Variants in SLC16A10 observed in about 807,000 individuals in gnomAD.
SLC16A10 encodes monocarboxylate transporter 10.
SLC16A10 carries 27 observed loss-of-function variants against 40.0 expected under a neutral mutation model. That is an observed-to-expected ratio of 0.67 (90% confidence interval 0.50 to 0.93). The LOEUF is 0.93. SLC16A10 is among the 40% of genes least tolerant of loss of function. The probability of loss-of-function intolerance (pLI) is 0.00; values close to 1 mark genes in which losing one functional copy is unlikely to be tolerated. For synonymous variants in SLC16A10, 213 were observed against 249.8 expected (o/e 0.85, Z 1.39); for missense variants, 529 against 658.2 (o/e 0.80, Z 2.15).
At chr6:111,206,114 T>C (rs1773248475) in intron 3 of SLC16A10, among the ~76,000 whole-genome samples, 1 of 152,106 alleles carries the variant, frequency 6.6e-6, no homozygotes, top group South Asian at 2.1e-4. Flanking sequence ...AGTCTTGCTC[T>C]GTCGCCCAGG....
At chr6:111,144,833 T>G (rs950185631) in intron 1 of SLC16A10, among the ~76,000 whole-genome samples, 2 of 152,204 alleles carry the variant, frequency 1.3e-5, no homozygotes, top group African/African-American at 4.8e-5. Flanking sequence ...TTTTGTTTGT[T>G]TTAAAAACAT....
chr6:111,155,804 C>A (rs1400912333), intron 1 of SLC16A10, among the ~76,000 whole-genome samples: 1 of 152,146 alleles, frequency 6.6e-6, no homozygotes, highest in East Asian at 1.9e-4. Context: ...GGTATATGTA[C>A]ATGTATTTTC....
intron 3 of SLC16A10, among the ~76,000 whole-genome samples, chr6:111,192,634 C>G (rs761878333): frequency 2.6e-5 from 4 of 152,098 alleles, no homozygotes; most frequent in Non-Finnish European, 5.9e-5. Context: ...AAAGACATAC[C>G]CGAAACTGGG....
Position 111,096,754 on chromosome 6 carries a change from A to G in SLC16A10, c.343+8659A>G, listed in dbSNP as rs114480657. 8.2e-3 allele frequency among the ~76,000 whole-genome samples: 1,254 copies of G among 152,346 alleles called. 25 individuals are homozygous for G. Among genetic ancestry groups the G allele is most frequent in the African/African-American group, 0.029 (1,193 of 41,584 alleles). Reference sequence around the variant, plus strand: ...ATGAAATACAGATTAGAAATACTGAATGTGGACCAAAGCAATGTTTCCTTT... The same window carrying G: ...ATGAAATACAGATTAGAAATACTGAGTGTGGACCAAAGCAATGTTTCCTTT... On this transcript the variant is annotated intron_variant, in intron 1 of 5. Coordinates refer to ENST00000368851, the MANE Select transcript of SLC16A10 (RefSeq NM_018593.5).
At chr6:111,155,075 CA>C (rs915797720) in intron 1 of SLC16A10, among the ~76,000 whole-genome samples, 4 of 151,088 alleles carry the variant, frequency 2.6e-5, no homozygotes, top group Non-Finnish European at 4.4e-5. Flanking sequence ...GTCGTTCTAC[CA>C]GGGGCCAGGA....
intron 1 of SLC16A10, among the ~76,000 whole-genome samples, chr6:111,112,414 A>G (rs1771406015): frequency 6.7e-6 from 1 of 149,632 alleles, no homozygotes; most frequent in Non-Finnish European, 1.5e-5. Context: ...CTTTCTAACT[A>G]TTTGGTTGTA....
chr6:111,122,896 G>C (rs979974791), intron 1 of SLC16A10, among the ~76,000 whole-genome samples: 3 of 152,180 alleles, frequency 2.0e-5, no homozygotes, highest in Non-Finnish European at 4.4e-5. Context: ...CCCCTGGAGA[G>C]GGGTACTGAG....
At chr6:111,139,595 C>T (rs971631395) in intron 1 of SLC16A10, among the ~76,000 whole-genome samples, 2 of 152,198 alleles carry the variant, frequency 1.3e-5, no homozygotes, top group African/African-American at 4.8e-5. Context: ...CCACCACGCC[C>T]AGCCGATCTT....
At chr6:111,154,475 G>A (rs1021294302) in intron 1 of SLC16A10, among the ~76,000 whole-genome samples, 2 of 152,142 alleles carry the variant, frequency 1.3e-5, no homozygotes, top group Non-Finnish European at 2.9e-5. Context: ...TAAGCTTCTG[G>A]CAAACAACAT....
At chr6:111,091,130 T>G (rs551286743) in intron 1 of SLC16A10, 3 of 152,212 alleles carry the variant, frequency 2.0e-5, no homozygotes, top group Non-Finnish European at 2.9e-5. Flanking sequence ...TTACAGAGTT[T>G]AAGTAAGAAG....
At chr6:111,130,176 C>CA (rs1380680919) in intron 1 of SLC16A10, among the ~76,000 whole-genome samples, 3 of 152,068 alleles carry the variant, frequency 2.0e-5, no homozygotes, top group Non-Finnish European at 4.4e-5. Context: ...TTTATCATAA[C>CA]AAAAAACAAG....
At chr6:111,100,759 C>G (rs1457609178) in intron 1 of SLC16A10, among the ~76,000 whole-genome samples, 1 of 151,860 alleles carries the variant, frequency 6.6e-6, no homozygotes, top group Non-Finnish European at 1.5e-5. Flanking sequence ...AATACACTCT[C>G]CTTAAGCGGT....
chr6:111,092,833 A>G (rs2114426006), intron 1 of SLC16A10, among the ~76,000 whole-genome samples: 1 of 151,236 alleles, frequency 6.6e-6, no homozygotes, highest in East Asian at 2.0e-4. Flanking sequence ...TGAGGTCAGG[A>G]GATTGAGACC....
chr6:111,198,988 G>A (rs1237375991), intron 3 of SLC16A10, among the ~76,000 whole-genome samples: 2 of 152,126 alleles, frequency 1.3e-5, no homozygotes, highest in Non-Finnish European at 2.9e-5. Flanking sequence ...CCAAAGTATC[G>A]GAGTCAGTCA....
At chr6:111,159,956 C>T (rs906520320) in intron 1 of SLC16A10, among the ~76,000 whole-genome samples, 1 of 151,908 alleles carries the variant, frequency 6.6e-6, no homozygotes, top group African/African-American at 2.4e-5. Flanking sequence ...ATTTTTTGCC[C>T]ATTTTTAAAA....
At chr6:111,220,327 G>C (rs1315888432) in intron 5 of SLC16A10, among the ~76,000 whole-genome samples, 1 of 152,178 alleles carries the variant, frequency 6.6e-6, no homozygotes, top group Non-Finnish European at 1.5e-5. Context: ...CTTTCAAATG[G>C]TTAATTCTAT....
At chr6:111,189,238 GA>G (rs1017145898) in intron 3 of SLC16A10, among the ~76,000 whole-genome samples, 12 of 152,314 alleles carry the variant, frequency 7.9e-5, no homozygotes, top group African/African-American at 2.9e-4. Context: ...GATGGTAAGA[GA>G]CAACTTTGGC....
intron 1 of SLC16A10, among the ~76,000 whole-genome samples, chr6:111,119,849 AG>A (rs1186162815): frequency 3.9e-5 from 6 of 152,264 alleles, no homozygotes; most frequent in African/African-American, 1.2e-4. Context: ...TAATACTGGC[AG>A]GCTTGCTGGT....
intron 1 of SLC16A10, among the ~76,000 whole-genome samples, chr6:111,168,827 A>T (rs1455031832): frequency 6.6e-6 from 1 of 152,150 alleles, no homozygotes; most frequent in African/African-American, 2.4e-5. Context: ...TAAAGGCTCT[A>T]AAACCCATTA....
Sources: allele counts gnomAD v4.1 joint callset (sites outside exome capture counted in the v4.1 genomes callset), GRCh38; gene constraint gnomAD v4.1.1; transcripts MANE v1.5; gene names NCBI Gene and HGNC (gene_info 2026-07-23, HGNC 2026-07-21).